WDR49: variants seen among roughly 807,000 people sequenced by gnomAD.
The protein encoded by WDR49 is cilia- and flagella-associated protein 337.
WDR49 carries 107 observed loss-of-function variants against 119.5 expected under a neutral mutation model. That is an observed-to-expected ratio of 0.90 (90% CI 0.77 to 1.05). The LOEUF is 1.05. WDR49 is among the 50% of genes least tolerant of loss of function. WDR49 has a pLI of 0.00. For missense variants in WDR49, 1,240 were observed against 1,220.5 expected, an observed-to-expected ratio of 1.02 and a Z score of -0.24; for synonymous variants, 425 against 418.8, an observed-to-expected ratio of 1.01 and a Z score of -0.18.
At position 167,627,308 on chromosome 3, in the gene WDR49, C is replaced by T; in HGVS notation, c.166-16G>A. The T allele has an allele frequency of 6.5e-6, 8 of 1,234,546 alleles. No individual in the cohort carries two copies. Among genetic ancestry groups the T allele is most frequent in the Non-Finnish European group, 8.1e-6 (8 of 988,460 alleles). The allele number at this position is 1,234,546 out of a possible 1,614,324, so 76.5% of individuals were successfully genotyped here. ...GCTGTGGGGACTAGAAACAGGAATC[C>T]AAAAACAATAATGAGACAACAGTGA... On this transcript the variant is annotated splice_polypyrimidine_tract_variant and intron_variant, in intron 2 of 18. Transcript: ENST00000682715.
At chr3:167,648,554 G>A (rs912557735) in intron 2 of WDR49, among the ~76,000 whole-genome samples, 1 of 152,152 alleles carries the variant, frequency 6.6e-6, no homozygotes, top group Admixed American at 6.6e-5. Context: ...GAAGCATGCT[G>A]GTTCATTAGG....
chr3:167,561,461 C>CTA (rs1446739697), intron 8 of WDR49, among the ~76,000 whole-genome samples: 2 of 151,954 alleles, frequency 1.3e-5, no homozygotes, highest in African/African-American at 2.4e-5. Flanking sequence ...ACAGCCTGAC[C>CTA]TATGACCTGC....
intron 7 of WDR49, among the ~76,000 whole-genome samples, chr3:167,590,987 T>C (rs549578866): frequency 6.6e-6 from 1 of 152,150 alleles, no homozygotes; most frequent in South Asian, 2.1e-4. Flanking sequence ...TTTTTTGAAT[T>C]CTTTAAGAGG....
intron 2 of WDR49, among the ~76,000 whole-genome samples, chr3:167,633,183 A>C (rs535291638): frequency 1.3e-5 from 2 of 151,802 alleles, no homozygotes; most frequent in East Asian, 3.9e-4. Flanking sequence ...GCTAGTTGCT[A>C]ACTAGATAGT....
At chr3:167,652,767 A>G (rs565534234) in intron 2 of WDR49, among the ~76,000 whole-genome samples, 25 of 152,316 alleles carry the variant, frequency 1.6e-4, no homozygotes, top group Admixed American at 2.6e-4. Context: ...TCTTGGGACA[A>G]CAAAGTGCCA....
At chr3:167,632,721 C>G (rs1577290775) in intron 2 of WDR49, among the ~76,000 whole-genome samples, 1 of 152,154 alleles carries the variant, frequency 6.6e-6, no homozygotes. Context: ...TTTTACCACA[C>G]AATTAATTCT....
chr3:167,621,624 C>T lies in WDR49; in HGVS notation c.626G>A (p.Ser209Asn), dbSNP rs1716876387. 5 of 1,532,926 alleles carry T rather than the reference C, an allele frequency of 3.3e-6. No individual in the cohort carries two copies. The highest frequency in any genetic ancestry group is 2.0e-5 in the Admixed American group (1 of 50,590). The allele number at this position is 1,532,926 out of a possible 1,614,324, so 95.0% of individuals were successfully genotyped here. ...CAGATCATAGAAACAAACCTCTTTA[C>T]TTGTAAAAGCCACTGCTATCTAAAG... is the stretch of plus-strand genomic sequence containing the variant. The part of the protein sequence containing the change: ...NVNKIAVAFT[S>N]KEVCFYDLLS... Residue 209 changes from serine to asparagine, a missense_variant, in exon 4 of 19, where the codon AGT becomes AAT. Coordinates refer to ENST00000682715, the MANE Select transcript of WDR49 (RefSeq NM_001366157.1).
At chr3:167,624,908 A>G (rs1717061380) in intron 3 of WDR49, among the ~76,000 whole-genome samples, 1 of 152,100 alleles carries the variant, frequency 6.6e-6, no homozygotes, top group Non-Finnish European at 1.5e-5. Flanking sequence ...CAAAGACTGA[A>G]GCATAGGCCT....
intron 16 of WDR49, among the ~76,000 whole-genome samples, chr3:167,507,371 G>A (rs559740196): frequency 3.3e-5 from 5 of 152,236 alleles, no homozygotes; most frequent in African/African-American, 1.2e-4. Context: ...AGGCTTTCAA[G>A]ACAAGAAATA....
At chr3:167,591,965 TCTTC>T (rs1329204998) in intron 7 of WDR49, among the ~76,000 whole-genome samples, 3 of 152,162 alleles carry the variant, frequency 2.0e-5, no homozygotes, top group African/African-American at 7.2e-5. Context: ...TCTGGTCTTC[TCTTC>T]CTTCTTTCTT....
chr3:167,487,654 A>T (rs971304196), intron 18 of WDR49, among the ~76,000 whole-genome samples: 1 of 152,118 alleles, frequency 6.6e-6, no homozygotes, highest in Non-Finnish European at 1.5e-5. Context: ...GACATCCAGC[A>T]TCTATTAAAA....
chr3:167,564,269 A>G (rs1020075903), intron 8 of WDR49, among the ~76,000 whole-genome samples: 1 of 152,214 alleles, frequency 6.6e-6, no homozygotes, highest in South Asian at 2.1e-4. Context: ...CAGGAAAACA[A>G]TGTGTTGAAA....
chr3:167,581,254 G>C (rs1359148410), intron 7 of WDR49, among the ~76,000 whole-genome samples: 1 of 152,080 alleles, frequency 6.6e-6, no homozygotes, highest in African/African-American at 2.4e-5. Flanking sequence ...TTATAGGAAT[G>C]CAATATTACA....
intron 2 of WDR49, among the ~76,000 whole-genome samples, chr3:167,630,159 C>G (rs1392282030): frequency 6.6e-6 from 1 of 152,082 alleles, no homozygotes; most frequent in Non-Finnish European, 1.5e-5. Context: ...GGAAACTTCA[C>G]TGTTATCTTC....
At chr3:167,559,389 A>G (rs1713130228) in intron 9 of WDR49, among the ~76,000 whole-genome samples, 1 of 152,230 alleles carries the variant, frequency 6.6e-6, no homozygotes, top group East Asian at 1.9e-4. Context: ...AGGGGGGCAG[A>G]GAAGATTCAC....
chr3:167,481,901 G>A (rs1750730613), intron 18 of WDR49, among the ~76,000 whole-genome samples: 1 of 152,140 alleles, frequency 6.6e-6, no homozygotes, highest in African/African-American at 2.4e-5. Flanking sequence ...AATTCAAATT[G>A]AGATTTGAAT....
intron 2 of WDR49, among the ~76,000 whole-genome samples, chr3:167,645,324 C>T (rs1003213657): frequency 2.0e-5 from 3 of 152,096 alleles, no homozygotes; most frequent in Non-Finnish European, 4.4e-5. Flanking sequence ...AATTCTCCCC[C>T]CTCAGCCTCC....
At chr3:167,566,154 G>A (rs1192630948) in intron 8 of WDR49, among the ~76,000 whole-genome samples, 1 of 152,178 alleles carries the variant, frequency 6.6e-6, no homozygotes, top group Non-Finnish European at 1.5e-5. Context: ...CGCTGGTTTA[G>A]TGTAGCTTTA....
intron 5 of WDR49, among the ~76,000 whole-genome samples, chr3:167,607,919 GGGAGGGAGGAAAAAAGGGAC>G (rs1364227231): frequency 8.5e-5 from 13 of 152,126 alleles, no homozygotes; most frequent in Admixed American, 3.9e-4. Flanking sequence ...GTAAAAGGGA[GGGAGGGAGGAAAAAAGGGAC>G]GGAGGGAGGA....
Sources: gnomAD v4.1 joint callset for allele counts (sites outside exome capture counted in the v4.1 genomes callset) on GRCh38, gnomAD v4.1.1 for gene constraint, MANE v1.5 for transcripts, NCBI Gene and HGNC (gene_info 2026-07-23, HGNC 2026-07-21) for gene names.